Variants in ARHGAP24 observed in about 807,000 individuals in gnomAD.
ARHGAP24 encodes the protein rho GTPase-activating protein 24.
Under a neutral mutation model 76.4 loss-of-function variants are expected in ARHGAP24, and 50 were observed. That is an observed-to-expected ratio of 0.65 (90% CI 0.52 to 0.83). The LOEUF (loss-of-function observed/expected upper bound fraction) is 0.83. ARHGAP24 is among the 40% of genes least tolerant of loss of function. The probability of loss-of-function intolerance (pLI) is 0.00; values close to 1 mark genes in which losing one functional copy is unlikely to be tolerated. For missense variants in ARHGAP24, 930 were observed against 914.2 expected (o/e 1.02, Z -0.22); for synonymous variants, 345 against 323.3 (o/e 1.07, Z -0.72).
chr4:85,516,819 G>C (rs1224282979), intron 1 of ARHGAP24, among the ~76,000 whole-genome samples: 1 of 151,876 alleles, frequency 6.6e-6, no homozygotes, highest in Non-Finnish European at 1.5e-5. Context: ...GTAATTGATT[G>C]GTCTTTCCTT....
chr4:85,545,431 A>G (rs976064446), intron 1 of ARHGAP24, among the ~76,000 whole-genome samples: 5 of 152,144 alleles, frequency 3.3e-5, no homozygotes, highest in African/African-American at 1.2e-4. Flanking sequence ...AAAAAGTACT[A>G]TGTCACTTTC....
intron 2 of ARHGAP24, among the ~76,000 whole-genome samples, chr4:85,626,869 G>A (rs546201871): frequency 5.9e-5 from 9 of 151,918 alleles, no homozygotes; most frequent in South Asian, 2.1e-4. Context: ...TGATCGCATC[G>A]GCTACTGAGG....
intron 1 of ARHGAP24, among the ~76,000 whole-genome samples, chr4:85,545,503 G>C (rs778278505): frequency 3.3e-4 from 50 of 152,304 alleles, no homozygotes; most frequent in Middle Eastern, 3.4e-3. Flanking sequence ...CCCTTGGGCT[G>C]AGACTATCAG....
intron 3 of ARHGAP24, among the ~76,000 whole-genome samples, chr4:85,852,723 T>C (rs1731309353): frequency 6.6e-6 from 1 of 152,220 alleles, no homozygotes; most frequent in Admixed American, 6.5e-5. Flanking sequence ...CAGCTGCAGG[T>C]CTGTTGGAGT....
At chr4:85,579,869 G>T (rs955335611) in intron 2 of ARHGAP24, among the ~76,000 whole-genome samples, 3 of 151,906 alleles carry the variant, frequency 2.0e-5, no homozygotes, top group Non-Finnish European at 4.4e-5. Flanking sequence ...TGGACATATG[G>T]GTTGTTTACA....
At position 85,534,389 on chromosome 4, in the gene ARHGAP24, A is replaced by G. The variant is rs191764876; in HGVS notation, c.-20-36133A>G. Among the ~76,000 whole-genome samples, 9 of 152,294 alleles carry G rather than the reference A, an allele frequency of 5.9e-5. No homozygotes were observed. In the East Asian group the frequency reaches 1.7e-3, roughly 29 times the overall value. ...AACTAACTTCTGTAAGACTGCAGGA[A>G]GAAGCTAGAAAGTGGCTGGGCTGGC... On this transcript the variant is annotated intron_variant, in intron 1 of 9. Transcript: ENST00000395184.
intron 3 of ARHGAP24, among the ~76,000 whole-genome samples, chr4:85,723,023 T>A (rs1725014618): frequency 6.6e-6 from 1 of 152,198 alleles, no homozygotes. Flanking sequence ...GTTAGTCAGA[T>A]GCAATGTGTT....
chr4:85,660,012 C>G (rs1722318424), intron 2 of ARHGAP24, among the ~76,000 whole-genome samples: 1 of 152,164 alleles, frequency 6.6e-6, no homozygotes, highest in Non-Finnish European at 1.5e-5. Flanking sequence ...GGACTTGTTG[C>G]TAGGGGGAGT....
chr4:85,683,117 T>TGGGGGGGG (rs201448168), intron 2 of ARHGAP24, among the ~76,000 whole-genome samples: 32 of 56,938 alleles, frequency 5.6e-4, no homozygotes, highest in Non-Finnish European at 9.6e-4. Flanking sequence ...TGTGGGGGGG[T>TGGGGGGGG]GGGGGGGGGG....
At chr4:85,676,492 G>A (rs1722984712) in intron 2 of ARHGAP24, among the ~76,000 whole-genome samples, 1 of 152,118 alleles carries the variant, frequency 6.6e-6, no homozygotes, top group Non-Finnish European at 1.5e-5. Flanking sequence ...TGGGGTCTGG[G>A]TTTAGGGGTG....
chr4:85,773,222 A>G (rs1353472080), intron 3 of ARHGAP24, among the ~76,000 whole-genome samples: 1 of 152,180 alleles, frequency 6.6e-6, no homozygotes, highest in Non-Finnish European at 1.5e-5. Flanking sequence ...TATCTTACTT[A>G]TACATAGAAA....
At chr4:85,540,903 A>G (rs1725655379) in intron 1 of ARHGAP24, among the ~76,000 whole-genome samples, 1 of 142,544 alleles carries the variant, frequency 7.0e-6, no homozygotes, top group Non-Finnish European at 1.5e-5. Context: ...TGGAAGCTAA[A>G]GATGTCTTAC....
rs760970265 is a variant in ARHGAP24 at position 85,972,140 on chromosome 4, C to T, written c.704C>T (p.Ala235Val). 4.4e-5 allele frequency: 71 copies of T among 1,613,408 alleles called. No individual in the cohort carries two copies. In the South Asian group the frequency reaches 5.5e-4, roughly 12 times the overall value. The change falls in exon 6 of 10, where the codon GCC (alanine) becomes GTC (valine). Residue 235 changes from alanine (A) to valine (V), a missense_variant. Coordinates refer to ENST00000395184, the MANE Select transcript of ARHGAP24 (RefSeq NM_001025616.3). ...AAGTATGAAGATTTTTTGTCATGTG[C>T]CAAACTGCTCAGCAAGGAAGAGGAA... is the stretch of plus-strand genomic sequence containing the variant. The part of the protein sequence containing the change: ...YAKYEDFLSC[A>V]KLLSKEEEAG...
At chr4:85,922,071 G>A (rs1036126678) in intron 3 of ARHGAP24, among the ~76,000 whole-genome samples, 4 of 152,136 alleles carry the variant, frequency 2.6e-5, no homozygotes, top group African/African-American at 9.7e-5. Flanking sequence ...ATATAAGGAG[G>A]CTAGTTTTAT....
At chr4:85,719,971 A>G (rs1724865960) in intron 2 of ARHGAP24, among the ~76,000 whole-genome samples, 1 of 152,102 alleles carries the variant, frequency 6.6e-6, no homozygotes, top group Admixed American at 6.6e-5. Flanking sequence ...TAGTTGCTGG[A>G]TGATAGAAAG....
At chr4:85,915,271 C>T (rs139067499) in intron 3 of ARHGAP24, among the ~76,000 whole-genome samples, 111 of 152,000 alleles carry the variant, frequency 7.3e-4, no homozygotes, top group East Asian at 5.4e-3. Flanking sequence ...CCAAGAAATG[C>T]GAAAAATAGT....
At chr4:85,487,995 C>T (rs1383086570) in intron 1 of ARHGAP24, among the ~76,000 whole-genome samples, 1 of 147,622 alleles carries the variant, frequency 6.8e-6, no homozygotes, top group South Asian at 2.1e-4. Flanking sequence ...AAGCTCTGCC[C>T]CCTGGGTTCA....
chr4:85,648,697 T>TA (rs947780504), intron 2 of ARHGAP24, among the ~76,000 whole-genome samples: 2 of 152,100 alleles, frequency 1.3e-5, no homozygotes, highest in African/African-American at 4.8e-5. Context: ...AGTCAGGAGA[T>TA]AGCTTGTGAT....
chr4:85,998,666 AG>A (rs1477274636), intron 9 of ARHGAP24, among the ~76,000 whole-genome samples: 1 of 152,140 alleles, frequency 6.6e-6, no homozygotes, highest in Non-Finnish European at 1.5e-5. Context: ...GAGGCATTCT[AG>A]GTAACTTTTC....
Sources: gnomAD v4.1 joint callset for allele counts (sites outside exome capture counted in the v4.1 genomes callset) on GRCh38, gnomAD v4.1.1 for gene constraint, MANE v1.5 for transcripts, NCBI Gene and HGNC (gene_info 2026-07-23, HGNC 2026-07-21) for gene names.